Variants in SEC14L1 observed in about 807,000 individuals in gnomAD.
SEC14L1 encodes the protein SEC14-like protein 1.
In SEC14L1, 48 loss-of-function variants were observed where a neutral mutation model predicts 85.3. The observed-to-expected ratio is 0.56, with a 90% CI of 0.45 to 0.72. SEC14L1 has a LOEUF of 0.72. Among genes scored for constraint, SEC14L1 ranks in the 30% least tolerant of loss-of-function variants. The pLI, the probability that SEC14L1 is intolerant of heterozygous loss-of-function variation, is 0.00. For synonymous variants in SEC14L1, 391 were observed against 355.5 expected (o/e 1.10, Z -1.12); for missense variants, 682 against 921.4 (o/e 0.74, Z 3.36).
At chr17:77,175,198 A>G (rs1283827485) in intron 3 of SEC14L1, among the ~76,000 whole-genome samples, 1 of 152,206 alleles carries the variant, frequency 6.6e-6, no homozygotes, top group Non-Finnish European at 1.5e-5. Context: ...AGAGGAATTC[A>G]TCATCTCTGG....
At chr17:77,096,783 T>C (rs1971658944) in intron 3 of SEC14L1, among the ~76,000 whole-genome samples, 1 of 152,214 alleles carries the variant, frequency 6.6e-6, no homozygotes, top group Non-Finnish European at 1.5e-5. Context: ...CAAAAAGTTA[T>C]GTCTGTTGTA....
chr17:77,130,994 A>G (rs2143445512), intron 3 of SEC14L1, among the ~76,000 whole-genome samples: 1 of 152,344 alleles, frequency 6.6e-6, no homozygotes, highest in South Asian at 2.1e-4. Context: ...GCCAGGTGCT[A>G]TTAAAATAGG....
Position 77,216,937 on chromosome 17 carries a change from CCTCT to C in SEC14L1, c.*2915_*2918del, listed in dbSNP as rs1230886683. The stretch of plus-strand genomic sequence containing the variant: ...TAGTACTAATGATTCTTTGATTCTC[CCTCT>C]ATTATGTCTTAATTCACTTTCCTTC... On this transcript the variant is annotated 3_prime_UTR_variant, in exon 17 of 17. Transcript: ENST00000436233. 2 of 202,556 alleles carry C rather than the reference CCTCT, an allele frequency of 9.9e-6. No individual in the cohort carries two copies. The highest frequency in any genetic ancestry group is 2.0e-5 in the Non-Finnish European group (2 of 98,266). 12.5% of individuals were successfully genotyped at this position (202,556 alleles called of 1,614,324 possible). A position where few individuals can be genotyped will look rare whatever the true frequency, so the allele number is the denominator to read the frequency against.
At position 77,202,995 on chromosome 17, in the gene SEC14L1, T is replaced by G. The variant is rs992446161; in HGVS notation, c.1010-575T>G. ...AGGCTGCTTGGTGGGGTTTTAAGGA[T>G]TTTTAGAATGTTCTCATTTGTCTTG... On this transcript the variant is annotated intron_variant, in intron 9 of 16. Transcript: ENST00000436233. Among the ~76,000 whole-genome samples, 9 of 151,646 alleles carry G rather than the reference T, an allele frequency of 5.9e-5. No homozygotes were observed. The South Asian group carries it at 1.9e-3, about 32-fold the overall frequency.
chr17:77,133,917 CAACA>C (rs1972695485), intron 3 of SEC14L1, among the ~76,000 whole-genome samples: 4 of 115,486 alleles, frequency 3.5e-5, no homozygotes, highest in African/African-American at 1.3e-4. Context: ...CCAGCCTGGG[CAACA>C]GAGTGAGACT....
intron 3 of SEC14L1, among the ~76,000 whole-genome samples, chr17:77,121,007 C>G (rs927654409): frequency 6.6e-6 from 1 of 152,206 alleles, no homozygotes; most frequent in African/African-American, 2.4e-5. Flanking sequence ...CAGCAACATC[C>G]TGACTTGGCA....
chr17:77,185,102 A>T (rs1975208751), intron 3 of SEC14L1: 1 of 503,406 alleles, frequency 2.0e-6, no homozygotes, highest in South Asian at 8.6e-5. Flanking sequence ...CTTTTTATTG[A>T]GTAAGATTGT....
chr17:77,208,415 C>T (rs547476461), intron 13 of SEC14L1, among the ~76,000 whole-genome samples: 1 of 152,244 alleles, frequency 6.6e-6, no homozygotes, highest in East Asian at 1.9e-4. Flanking sequence ...GAGCTGGAGC[C>T]CAAGGAGACC....
intron 3 of SEC14L1, among the ~76,000 whole-genome samples, chr17:77,147,050 C>T (rs62078295): frequency 0.12 from 18,726 of 152,188 alleles, 1,550 homozygotes; most frequent in South Asian, 0.25. Flanking sequence ...CTTGTGAGCA[C>T]GTCAGAAAGC....
In SEC14L1 at chr17:77,191,332, G is replaced by T. The variant is rs764712443; in HGVS notation, c.345+20G>T. On this transcript the variant is annotated intron_variant, in intron 5 of 16. Transcript: ENST00000436233. The stretch of plus-strand genomic sequence containing the variant: ...TACACCGTGAGTAATCTGTCACTCG[G>T]CGGAAGATGTTCTGCCGACATATGG... 2 of 1,613,460 alleles carry T rather than the reference G, an allele frequency of 1.2e-6. No individual in the cohort carries two copies. Among genetic ancestry groups the T allele is most frequent in the South Asian group, 2.2e-5 (2 of 90,964 alleles).
chr17:77,091,248 C>T (rs111400172), intron 2 of SEC14L1, among the ~76,000 whole-genome samples: 154 of 152,128 alleles, frequency 1.0e-3, no homozygotes, highest in Middle Eastern at 3.4e-3. Flanking sequence ...CCACCATGCC[C>T]GGCTAATTTT....
intron 3 of SEC14L1, among the ~76,000 whole-genome samples, chr17:77,119,353 T>C (rs1972246384): frequency 1.3e-5 from 2 of 150,966 alleles, no homozygotes; most frequent in South Asian, 4.2e-4. Context: ...CTGGGTCACC[T>C]GTCCTTAGGG....
intron 3 of SEC14L1, among the ~76,000 whole-genome samples, chr17:77,171,178 A>G (rs920708189): frequency 6.1e-4 from 93 of 152,202 alleles, no homozygotes; most frequent in African/African-American, 2.2e-3. Flanking sequence ...ATTTCTATAC[A>G]CCCATAAACT....
intron 3 of SEC14L1, among the ~76,000 whole-genome samples, chr17:77,153,432 T>G (rs1973659811): frequency 6.6e-6 from 1 of 152,178 alleles, no homozygotes; most frequent in Non-Finnish European, 1.5e-5. Context: ...CTGCTCCCCT[T>G]TTCTTCCTAG....
At chr17:77,092,172 G>A (rs887788309) in intron 2 of SEC14L1, among the ~76,000 whole-genome samples, 2 of 152,202 alleles carry the variant, frequency 1.3e-5, no homozygotes, top group East Asian at 1.9e-4. Context: ...ATGAAGCAGC[G>A]TCTTCCTTCT....
In SEC14L1 at chr17:77,202,234, C is replaced by T. The variant is rs140889310; in HGVS notation, c.1010-1336C>T. Among the ~76,000 whole-genome samples, 231 of 152,186 alleles carry T rather than the reference C, an allele frequency of 1.5e-3. 1 individual carries two copies. The highest frequency in any genetic ancestry group is 5.4e-3 in the African/African-American group (225 of 41,494). Reference sequence around the variant, plus strand: ...GGCCCAGTGGCTCATGCCCGTAATCCCAGCATTTTGGGAGGCCAAGGCAGG... The same window carrying T: ...GGCCCAGTGGCTCATGCCCGTAATCTCAGCATTTTGGGAGGCCAAGGCAGG... On this transcript the variant is annotated intron_variant, in intron 9 of 16. Transcript: ENST00000436233.
At position 77,212,006 on chromosome 17, in the gene SEC14L1, C is replaced by T. The variant is rs1434124031; in HGVS notation, c.1668C>T (p.Cys556=). The change falls in exon 15 of 17, where the codon TGC becomes TGT. Residue 556 remains cysteine (C), a synonymous_variant. Coordinates refer to ENST00000436233, the MANE Select transcript of SEC14L1 (RefSeq NM_001143998.2). ...SSVITWDFDV[C]KGDIVFNIYH... ...TCATCACTTGGGATTTCGACGTGTG[C>T]AAAGGGGACATTGTGTTTAACATCT... 6.2e-7 allele frequency: 1 copy of T among 1,614,074 alleles called. No homozygotes were observed. Among genetic ancestry groups the T allele is most frequent in the Admixed American group, 1.7e-5 (1 of 60,010 alleles).
chr17:77,131,930 T>C (rs755782107), intron 3 of SEC14L1, among the ~76,000 whole-genome samples: 15 of 152,284 alleles, frequency 9.9e-5, no homozygotes, highest in Non-Finnish European at 2.1e-4. Flanking sequence ...TGAAATATTT[T>C]GGAAATATTG....
intron 3 of SEC14L1, among the ~76,000 whole-genome samples, chr17:77,175,737 G>A (rs1410818395): frequency 6.6e-6 from 1 of 152,186 alleles, no homozygotes; most frequent in East Asian, 1.9e-4. Context: ...AGTCTCCAGA[G>A]CACATTAGAT....
Sources: allele counts gnomAD v4.1 joint callset (sites outside exome capture counted in the v4.1 genomes callset), GRCh38; gene constraint gnomAD v4.1.1; transcripts MANE v1.5; gene names NCBI Gene and HGNC (gene_info 2026-07-23, HGNC 2026-07-21).